Variants in ME1 observed in about 807,000 individuals in gnomAD.
ME1 encodes NADP-dependent malic enzyme.
ME1 carries 74 observed loss-of-function variants against 66.4 expected under a neutral mutation model. The observed-to-expected ratio is 1.11, with a 90% CI of 0.92 to 1.35. The LOEUF (loss-of-function observed/expected upper bound fraction) is 1.35. Ranked by LOEUF, ME1 falls within the 40% of genes most tolerant of loss-of-function variation. ME1 has a pLI of 0.00. For synonymous variants in ME1, 251 were observed against 235.6 expected, an observed-to-expected ratio of 1.07 and a Z score of -0.60; for missense variants, 750 against 694.1, an observed-to-expected ratio of 1.08 and a Z score of -0.90.
intron 5 of ME1, among the ~76,000 whole-genome samples, chr6:83,323,487 AAAAC>A (rs1163176957): frequency 3.5e-5 from 5 of 144,118 alleles, no homozygotes; most frequent in East Asian, 2.0e-4. Flanking sequence ...AAGCAAAACA[AAAAC>A]AAACAAACAA....
chr6:83,376,804 C>CCAAAAAAAAAAAAAAAAAAAAAAAAAA (rs768668584), intron 3 of ME1, among the ~76,000 whole-genome samples: 5 of 87,128 alleles, frequency 5.7e-5, no homozygotes, highest in African/African-American at 1.6e-4. Context: ...CCCTGTCTCA[C>CCAAAAAAAAAAAAAAAAAAAAAAAAAA]AAAAAAAAAA....
At chr6:83,221,153 C>A (rs923500065) in intron 12 of ME1, among the ~76,000 whole-genome samples, 1 of 106,582 alleles carries the variant, frequency 9.4e-6, no homozygotes, top group African/African-American at 5.3e-5. Context: ...AGCGAGACTC[C>A]GTCTCAAAAA....
At chr6:83,421,827 C>T (rs57177898) in intron 1 of ME1, among the ~76,000 whole-genome samples, 10,218 of 152,264 alleles carry the variant, frequency 0.067, 650 homozygotes, top group African/African-American at 0.16. Context: ...GAAGCAATAA[C>T]CACGACAGAT....
intron 6 of ME1, among the ~76,000 whole-genome samples, chr6:83,275,350 AAATAAT>A (rs142521561): frequency 0.48 from 72,380 of 149,966 alleles, 18,880 homozygotes; most frequent in African/African-American, 0.69. Context: ...AGAAACAAAC[AAATAAT>A]AATAATAATA....
chr6:83,343,754 A>G (rs1325632731), intron 5 of ME1, among the ~76,000 whole-genome samples: 1 of 152,184 alleles, frequency 6.6e-6, no homozygotes, highest in East Asian at 1.9e-4. Context: ...AGCAATGAAT[A>G]CCAAAACAGG....
intron 7 of ME1, among the ~76,000 whole-genome samples, chr6:83,248,499 G>C (rs150317145): frequency 6.0e-4 from 91 of 152,240 alleles, no homozygotes; most frequent in African/African-American, 2.0e-3. Context: ...ATACAGTTTA[G>C]CTCTGTGTCC....
At chr6:83,341,845 A>C (rs558425129) in intron 5 of ME1, among the ~76,000 whole-genome samples, 104 of 152,248 alleles carry the variant, frequency 6.8e-4, no homozygotes, top group African/African-American at 2.5e-3. Flanking sequence ...GCAGATGAGA[A>C]ATTGAAAGTA....
At chr6:83,226,649 T>C (rs183702580) in intron 11 of ME1, among the ~76,000 whole-genome samples, 3 of 152,294 alleles carry the variant, frequency 2.0e-5, no homozygotes, top group Non-Finnish European at 4.4e-5. Context: ...TTCCAGTTAA[T>C]GCAGAGTGAC....
chr6:83,248,920 T>A (rs1165643040), intron 7 of ME1, among the ~76,000 whole-genome samples: 2 of 152,218 alleles, frequency 1.3e-5, no homozygotes, highest in Non-Finnish European at 2.9e-5. Flanking sequence ...CTCACAATTC[T>A]TAACACCTGG....
chr6:83,292,454 C>A (rs141885284), intron 6 of ME1, among the ~76,000 whole-genome samples: 132 of 152,304 alleles, frequency 8.7e-4, no homozygotes, highest in African/African-American at 3.0e-3. Context: ...GTGGAGGCTG[C>A]AGAACAGCAA....
At chr6:83,424,568 A>C (rs1770332702) in intron 1 of ME1, among the ~76,000 whole-genome samples, 1 of 151,354 alleles carries the variant, frequency 6.6e-6, no homozygotes, top group African/African-American at 2.4e-5. Flanking sequence ...ATTGTCAAAA[A>C]TTGGCAATGG....
At chr6:83,330,366 C>T (rs1279982345) in intron 5 of ME1, among the ~76,000 whole-genome samples, 1 of 152,124 alleles carries the variant, frequency 6.6e-6, no homozygotes, top group Non-Finnish European at 1.5e-5. Context: ...AAGTAACCAT[C>T]ACATTCAGGT....
intron 3 of ME1, among the ~76,000 whole-genome samples, chr6:83,387,069 T>A (rs537172354): frequency 1.3e-5 from 2 of 152,202 alleles, no homozygotes; most frequent in African/African-American, 4.8e-5. Flanking sequence ...TTTGCAGTTA[T>A]TAAAACTGGC....
chr6:83,351,056 A>G lies in ME1; in HGVS notation c.438+1008T>C, dbSNP rs1293089244. Among the ~76,000 whole-genome samples the G allele has an allele frequency of 2.0e-5, 3 of 150,412 alleles. No individual in the cohort carries two copies. The East Asian group carries it at 5.9e-4, about 30-fold the overall frequency. On this transcript the variant is annotated intron_variant, in intron 4 of 13. Coordinates refer to ENST00000369705, the MANE Select transcript of ME1 (RefSeq NM_002395.6). ...TTAATTTACAAGTTTTCCTGGCATG[A>G]GCCCTAGAGAACCAAATTAATCAAT...
At chr6:83,243,299 A>G (rs987667450) in intron 7 of ME1, among the ~76,000 whole-genome samples, 4 of 142,896 alleles carry the variant, frequency 2.8e-5, no homozygotes, top group African/African-American at 7.7e-5. Context: ...TTAATTATAT[A>G]TAATATACAA....
At chr6:83,230,799 G>A (rs1790293351) in intron 9 of ME1, among the ~76,000 whole-genome samples, 1 of 152,062 alleles carries the variant, frequency 6.6e-6, no homozygotes, top group Non-Finnish European at 1.5e-5. Flanking sequence ...TGGGCGTGGT[G>A]GCAGGAGCCT....
intron 3 of ME1, among the ~76,000 whole-genome samples, chr6:83,375,085 C>G (rs1439578944): frequency 6.6e-6 from 1 of 152,016 alleles, no homozygotes; most frequent in African/African-American, 2.4e-5. Flanking sequence ...ATGGGGTCTT[C>G]TTTGATTCCA....
chr6:83,340,904 C>T (rs1322407382), intron 5 of ME1, among the ~76,000 whole-genome samples: 3 of 151,694 alleles, frequency 2.0e-5, no homozygotes, highest in Non-Finnish European at 4.4e-5. Flanking sequence ...GTCTGTTTGC[C>T]TCTTATATTT....
chr6:83,407,141 G>A (rs1459122231), intron 2 of ME1, among the ~76,000 whole-genome samples: 1 of 151,936 alleles, frequency 6.6e-6, no homozygotes, highest in East Asian at 1.9e-4. Flanking sequence ...TCTAATCCAT[G>A]GATGAAAAAA....
Sources: allele counts gnomAD v4.1 joint callset (sites outside exome capture counted in the v4.1 genomes callset), GRCh38; gene constraint gnomAD v4.1.1; transcripts MANE v1.5; gene names NCBI Gene and HGNC (gene_info 2026-07-23, HGNC 2026-07-21).